Variants in LGALSL observed in about 807,000 individuals in gnomAD.
The protein encoded by LGALSL is galectin-related protein.
A neutral mutation model predicts 19.5 loss-of-function variants in LGALSL; 13 were observed. The ratio of observed to expected loss-of-function variants is 0.67; its 90% confidence interval spans 0.43 to 1.06. The LOEUF is 1.06. Ranked by LOEUF, LGALSL falls within the 50% of genes least tolerant of loss-of-function variation. The probability of loss-of-function intolerance (pLI) is 0.00; values close to 1 mark genes in which losing one functional copy is unlikely to be tolerated. For synonymous variants in LGALSL, 86 were observed against 78.3 expected, an observed-to-expected ratio of 1.10 and a Z score of -0.52; for missense variants, 189 against 219.3, an observed-to-expected ratio of 0.86 and a Z score of 0.87.
Position 64,456,278 on chromosome 2 carries a change from T to C in LGALSL, c.198-10T>C. The C allele has an allele frequency of 6.2e-7, 1 of 1,609,204 alleles. No individual in the cohort carries two copies. The highest frequency in any genetic ancestry group is 8.5e-7 in the Non-Finnish European group (1 of 1,178,168). ...CCAACCCTTAATCAGTGGGATGATT[T>C]TCTTTTCAGCTTTGCAATCAGCTTG... On this transcript the variant is annotated splice_polypyrimidine_tract_variant and intron_variant, in intron 3 of 4. Coordinates refer to ENST00000238875, the MANE Select transcript of LGALSL (RefSeq NM_014181.3).
intron 1 of LGALSL, 45 bp from the exon 2 acceptor site, chr2:64,455,298 CA>C: frequency 1.5e-6 from 2 of 1,337,106 alleles, no homozygotes; most frequent in Non-Finnish European, 2.2e-6. Flanking sequence ...TCCAGCCCCC[CA>C]AAAAAGAGCC....
At position 64,454,186 on chromosome 2, in the gene LGALSL, C is replaced by T. The variant is rs1487741044; in HGVS notation, c.-360C>T. 3 of 394,524 alleles carry T rather than the reference C, an allele frequency of 7.6e-6. No individual in the cohort carries two copies. Among genetic ancestry groups the T allele is most frequent in the African/African-American group, 2.1e-5 (1 of 48,356 alleles). The allele number at this position is 394,524 out of a possible 1,614,324, so 24.4% of individuals were successfully genotyped here. A position where few individuals can be genotyped will look rare whatever the true frequency, so the allele number is the denominator to read the frequency against. On this transcript the variant is annotated 5_prime_UTR_variant, in exon 1 of 5. Transcript: ENST00000238875. The surrounding 1 kb of genome is among the most constrained non-coding windows in gnomAD (Gnocchi z 5.1). ...TGTTCCCGGTTCCCGAGCCGGGCCC[C>T]GGAGGCCTTTAAATGCTGCCCAGGG...
At position 64,454,361 on chromosome 2, in the gene LGALSL, C is replaced by G. The variant is rs908651005; in HGVS notation, c.-185C>G. On this transcript the variant is annotated 5_prime_UTR_variant, in exon 1 of 5. Transcript: ENST00000238875. This position sits in a 1 kb window ranked among gnomAD's most constrained non-coding sequence, Gnocchi z 5.1. Reference sequence around the variant, plus strand: ...GCTCGCGCTGCCTCCCTCCCCTCCCCTCCTCCCAGGCTCTGCCTGCCAGGT... The same window carrying G: ...GCTCGCGCTGCCTCCCTCCCCTCCCGTCCTCCCAGGCTCTGCCTGCCAGGT... 48 of 391,200 alleles carry G rather than the reference C, an allele frequency of 1.2e-4. No individual in the cohort carries two copies. The highest frequency in any genetic ancestry group is 8.8e-4 in the African/African-American group (42 of 47,914). The allele number at this position is 391,200 out of a possible 1,614,324, so 24.2% of individuals were successfully genotyped here. A position where few individuals can be genotyped will look rare whatever the true frequency, so the allele number is the denominator to read the frequency against.
At chr2:64,456,026 A>G (rs1206764901) in intron 3 of LGALSL, among the ~76,000 whole-genome samples, 1 of 151,702 alleles carries the variant, frequency 6.6e-6, no homozygotes, top group Non-Finnish European at 1.5e-5. Context: ...CCCCTGGTCA[A>G]TTTCTGTGGC....
chr2:64,458,242 TA>T, intron 4 of LGALSL, 42 bp from the exon 5 acceptor site: 2 of 1,585,086 alleles, frequency 1.3e-6, no homozygotes, highest in Non-Finnish European at 1.7e-6. Flanking sequence ...TTTTCCCCAG[TA>T]GCGTTCATTG....
At position 64,458,569 on chromosome 2, in the gene LGALSL, T is replaced by C; in HGVS notation, c.*141T>C. 1.3e-6 allele frequency: 1 copy of C among 787,060 alleles called. No individual in the cohort carries two copies. The highest frequency in any genetic ancestry group is 2.0e-6 in the Non-Finnish European group (1 of 508,286). 48.8% of individuals were successfully genotyped at this position (787,060 alleles called of 1,614,324 possible). ...AGTTTCACTTAAGGGTGGTTTGCCCTTAAGAAGAAAGCTGTTGGGACAAAG... is the reference window on the plus strand; with the variant it reads ...AGTTTCACTTAAGGGTGGTTTGCCCCTAAGAAGAAAGCTGTTGGGACAAAG... On this transcript the variant is annotated 3_prime_UTR_variant, in exon 5 of 5. Coordinates refer to ENST00000238875, the MANE Select transcript of LGALSL (RefSeq NM_014181.3).
intron 4 of LGALSL, among the ~76,000 whole-genome samples, chr2:64,456,676 A>G (rs750903774): frequency 2.0e-5 from 3 of 152,218 alleles, no homozygotes; most frequent in Non-Finnish European, 4.4e-5. Flanking sequence ...TTCAGGTCAT[A>G]CATTTAAATA....
rs1443019536 is a variant in LGALSL at position 64,459,519 on chromosome 2, T to C, written c.*1091T>C. On this transcript the variant is annotated 3_prime_UTR_variant, in exon 5 of 5. Coordinates refer to ENST00000238875, the MANE Select transcript of LGALSL (RefSeq NM_014181.3). Reference sequence around the variant, plus strand: ...AAGCTGTTAGCTCATTGTATAACTTTTCTTATGTGACCCTCACCAATATCC... The same window carrying C: ...AAGCTGTTAGCTCATTGTATAACTTCTCTTATGTGACCCTCACCAATATCC... 3.9e-5 allele frequency: 6 copies of C among 152,242 alleles called. No individual in the cohort carries two copies. Among genetic ancestry groups the C allele is most frequent in the Admixed American group, 3.9e-4 (6 of 15,284 alleles). 9.4% of individuals were successfully genotyped at this position (152,242 alleles called of 1,614,324 possible). A position where few individuals can be genotyped will look rare whatever the true frequency, so the allele number is the denominator to read the frequency against.
At position 64,454,613 on chromosome 2, in the gene LGALSL, C is replaced by G; in HGVS notation, c.36+32C>G. 12 of 1,373,748 alleles carry G rather than the reference C, an allele frequency of 8.7e-6. No homozygotes were observed. Among genetic ancestry groups the G allele is most frequent in the Non-Finnish European group, 1.1e-5 (12 of 1,055,790 alleles). 85.1% of individuals were successfully genotyped at this position (1,373,748 alleles called of 1,614,324 possible). ...GTGGCAGGGCGCGCGCGAGGCGCCC[C>G]TCCCCGCCGTCCCGCACTCCGCCGC... On this transcript the variant is annotated intron_variant, in intron 1 of 4. Transcript: ENST00000238875. The surrounding 1 kb of genome is among the most constrained non-coding windows in gnomAD (Gnocchi z 5.1).
Position 64,454,550 on chromosome 2 carries a change from C to G in LGALSL, c.5C>G (p.Ala2Gly). 1 of 1,446,184 alleles carries G rather than the reference C, an allele frequency of 6.9e-7. No homozygotes were observed. The highest frequency in any genetic ancestry group is 9.1e-7 in the Non-Finnish European group (1 of 1,095,812). The allele number at this position is 1,446,184 out of a possible 1,614,324, so 89.6% of individuals were successfully genotyped here. ...CCCGCCGCGCCGGGCAAGAAGATGGCGGGATCAGTGGCCGACAGCGATGCC... is the reference window on the plus strand; with the variant it reads ...CCCGCCGCGCCGGGCAAGAAGATGGGGGGATCAGTGGCCGACAGCGATGCC... M[A>G]GSVADSDAVV... is the part of the protein sequence containing the mutation. The change falls in exon 1 of 5, where the codon GCG becomes GGG. Residue 2 changes from alanine to glycine, a missense_variant. Physicochemically the swap from Ala to Gly is moderately conservative, Grantham distance 60. Coordinates refer to ENST00000238875, the MANE Select transcript of LGALSL (RefSeq NM_014181.3). The surrounding 1 kb of genome is among the most constrained non-coding windows in gnomAD (Gnocchi z 5.1).
Position 64,454,430 on chromosome 2 carries a change from T to G in LGALSL, c.-116T>G, listed in dbSNP as rs1355646924. 1.2e-5 allele frequency: 5 copies of G among 429,918 alleles called. No homozygotes were observed. The highest frequency in any genetic ancestry group is 2.2e-5 in the African/African-American group (1 of 45,560). The allele number at this position is 429,918 out of a possible 1,614,324, so 26.6% of individuals were successfully genotyped here. A position where few individuals can be genotyped will look rare whatever the true frequency, so the allele number is the denominator to read the frequency against. On this transcript the variant is annotated 5_prime_UTR_variant, in exon 1 of 5. Transcript: ENST00000238875. This position sits in a 1 kb window ranked among gnomAD's most constrained non-coding sequence, Gnocchi z 5.1. ...GCGCGCGCGCGCGCCCCCTCGTGTG[T>G]GCGCGCGCCCGCCGCCAGCTCGGAC...
chr2:64,455,508 G>A, intron 2 of LGALSL, 81 bp from the exon 3 acceptor site: 1 of 1,484,846 alleles, frequency 6.7e-7, no homozygotes, highest in Non-Finnish European at 9.4e-7. Flanking sequence ...ATTTTCCAGT[G>A]GGTCAGGCCT....
In LGALSL at chr2:64,455,429, C is replaced by T; in HGVS notation, c.108+14C>T. 2 of 1,597,690 alleles carry T rather than the reference C, an allele frequency of 1.3e-6. No individual in the cohort carries two copies. The highest frequency in any genetic ancestry group is 1.7e-6 in the Non-Finnish European group (2 of 1,164,920). On this transcript the variant is annotated intron_variant, in intron 2 of 4. Coordinates refer to ENST00000238875, the MANE Select transcript of LGALSL (RefSeq NM_014181.3). Reference sequence around the variant, plus strand: ...TTCCCACGACTGGTAAATGATTTTGCTCTGTGTCTCTGCCTGTACCTTCCT... The same window carrying T: ...TTCCCACGACTGGTAAATGATTTTGTTCTGTGTCTCTGCCTGTACCTTCCT...
At position 64,455,672 on chromosome 2, in the gene LGALSL, A is replaced by G; in HGVS notation, c.192A>G (p.Pro64=). Residue 64 remains proline, a synonymous_variant, in exon 3 of 5, where the codon CCA becomes CCG. Coordinates refer to ENST00000238875, the MANE Select transcript of LGALSL (RefSeq NM_014181.3). ...TGATGGGCATCGTAGACCTCAACCC[A>G]GAGAGGTAAGGCAGAGTCTTTGTCA... The part of the protein sequence containing the change: ...VLVMGIVDLN[P]ESFAISLTCG... The G allele has an allele frequency of 6.2e-7, 1 of 1,610,944 alleles. No individual in the cohort carries two copies. The highest frequency in any genetic ancestry group is 1.1e-5 in the South Asian group (1 of 91,020).
chr2:64,461,061 G>A lies in LGALSL; in HGVS notation c.*2633G>A, dbSNP rs1015081659. The A allele has an allele frequency of 2.6e-5, 4 of 152,078 alleles. No homozygotes were observed. The highest frequency in any genetic ancestry group is 5.9e-5 in the Non-Finnish European group (4 of 68,018). 9.4% of individuals were successfully genotyped at this position (152,078 alleles called of 1,614,324 possible). The stretch of plus-strand genomic sequence containing the variant: ...TAAAATTATTATTTAAAATTTTGAA[G>A]CCCCATTTCAAATCTTGCCGACCTT... On this transcript the variant is annotated 3_prime_UTR_variant, in exon 5 of 5. Transcript: ENST00000238875.
chr2:64,458,581 C>T lies in LGALSL; in HGVS notation c.*153C>T. On this transcript the variant is annotated 3_prime_UTR_variant, in exon 5 of 5. Coordinates refer to ENST00000238875, the MANE Select transcript of LGALSL (RefSeq NM_014181.3). Reference sequence around the variant, plus strand: ...GGGTGGTTTGCCCTTAAGAAGAAAGCTGTTGGGACAAAGACACCGAGCCAT... The same window carrying T: ...GGGTGGTTTGCCCTTAAGAAGAAAGTTGTTGGGACAAAGACACCGAGCCAT... 1.5e-6 allele frequency: 1 copy of T among 671,916 alleles called. No homozygotes were observed. Among genetic ancestry groups the T allele is most frequent in the East Asian group, 2.8e-5 (1 of 35,966 alleles). The allele number at this position is 671,916 out of a possible 1,614,324, so 41.6% of individuals were successfully genotyped here.
Position 64,454,313 on chromosome 2 carries a change from C to T in LGALSL, c.-233C>T, listed in dbSNP as rs919949599. ...CCGGGTCCGGGGCCGTTCTGGGCCGCGGCAAGCACCTTCGCCCTCCCAGCT... is the reference window on the plus strand; with the variant it reads ...CCGGGTCCGGGGCCGTTCTGGGCCGTGGCAAGCACCTTCGCCCTCCCAGCT... On this transcript the variant is annotated 5_prime_UTR_variant, in exon 1 of 5. Coordinates refer to ENST00000238875, the MANE Select transcript of LGALSL (RefSeq NM_014181.3). This position sits in a 1 kb window ranked among gnomAD's most constrained non-coding sequence, Gnocchi z 5.1. The T allele has an allele frequency of 2.0e-4, 77 of 394,240 alleles. No homozygotes were observed. The highest frequency in any genetic ancestry group is 1.4e-3 in the African/African-American group (70 of 48,430). 24.4% of individuals were successfully genotyped at this position (394,240 alleles called of 1,614,324 possible).
At chr2:64,457,238 A>G (rs1383375848) in intron 4 of LGALSL, among the ~76,000 whole-genome samples, 8 of 151,712 alleles carry the variant, frequency 5.3e-5, no homozygotes, top group Non-Finnish European at 1.0e-4. Context: ...CCAGCCTAGG[A>G]AACACAGCAA....
Position 64,460,717 on chromosome 2 carries a change from G to A in LGALSL, c.*2289G>A, listed in dbSNP as rs1686813346. 3 of 152,192 alleles carry A rather than the reference G, an allele frequency of 2.0e-5. No individual in the cohort carries two copies. The highest frequency in any genetic ancestry group is 2.4e-5 in the African/African-American group (1 of 41,434). 9.4% of individuals were successfully genotyped at this position (152,192 alleles called of 1,614,324 possible). Reference sequence around the variant, plus strand: ...CAGGTATAGCCCAAATTAGTAAGGGGCTTTAGCTGTAAACTGAAAACAATA... The same window carrying A: ...CAGGTATAGCCCAAATTAGTAAGGGACTTTAGCTGTAAACTGAAAACAATA... On this transcript the variant is annotated 3_prime_UTR_variant, in exon 5 of 5. Transcript: ENST00000238875.
Sources: allele counts gnomAD v4.1 joint callset (sites outside exome capture counted in the v4.1 genomes callset), GRCh38; gene constraint gnomAD v4.1.1; non-coding constraint Gnocchi (gnomAD v3.1); transcripts MANE v1.5; gene names NCBI Gene and HGNC (gene_info 2026-07-23, HGNC 2026-07-21).